Variants in HYDIN observed in about 807,000 individuals in gnomAD.
The protein encoded by HYDIN is axonemal central pair apparatus protein HYDIN.
Under a neutral mutation model 403.9 loss-of-function variants are expected in HYDIN, and 132 were observed. The observed-to-expected ratio is 0.33, with a 90% CI of 0.28 to 0.38. HYDIN has a LOEUF of 0.38. Ranked by LOEUF, HYDIN falls within the 10% of genes least tolerant of loss-of-function variation. The pLI is 1.00. For missense variants in HYDIN, 2,827 were observed against 5,009.5 expected (o/e 0.56, Z 13.15); for synonymous variants, 1,202 against 1,891.7 (o/e 0.64, Z 9.46).
intron 45 of HYDIN, among the ~76,000 whole-genome samples, chr16:70,931,223 T>TTG (rs2077319355): frequency 7.7e-6 from 1 of 130,488 alleles, no homozygotes; most frequent in South Asian, 2.5e-4. Flanking sequence ...TTTTTTTTTT[T>TTG]TTTTTTTTTT....
intron 41 of HYDIN, among the ~76,000 whole-genome samples, chr16:70,944,651 C>A (rs139927727): frequency 6.6e-6 from 1 of 152,172 alleles, no homozygotes; most frequent in Admixed American, 6.5e-5. Context: ...GACCAGAATA[C>A]GCAGGGCCTT....
At chr16:71,224,520 A>G (rs1411476971) in intron 1 of HYDIN, among the ~76,000 whole-genome samples, 1 of 151,922 alleles carries the variant, frequency 6.6e-6, no homozygotes, top group Non-Finnish European at 1.5e-5. Flanking sequence ...TTCTTTAATT[A>G]AATTAAACTC....
intron 5 of HYDIN, among the ~76,000 whole-genome samples, 192 bp downstream of exon 5, chr16:71,175,415 C>T (rs1255764215): frequency 1.3e-5 from 2 of 151,994 alleles, no homozygotes; most frequent in East Asian, 1.9e-4. Context: ...ACACTACCAC[C>T]ACTACCCACC....
At chr16:70,955,768 T>C (rs2078215457) in intron 39 of HYDIN, among the ~76,000 whole-genome samples, 1 of 152,186 alleles carries the variant, frequency 6.6e-6, no homozygotes, top group Admixed American at 6.5e-5. Flanking sequence ...GCGTGCATGC[T>C]GTGGCAATCT....
At chr16:71,126,680 G>A (rs988586246) in intron 9 of HYDIN, among the ~76,000 whole-genome samples, 2 of 152,112 alleles carry the variant, frequency 1.3e-5, no homozygotes, top group African/African-American at 4.8e-5. Context: ...AGTGAGTCCT[G>A]CCCATTTCTA....
At chr16:70,883,172 A>G (rs1203508301) in intron 59 of HYDIN, among the ~76,000 whole-genome samples, 2 of 152,160 alleles carry the variant, frequency 1.3e-5, no homozygotes, top group Admixed American at 6.5e-5. Context: ...CTGGCCCACT[A>G]TGCTTCAAGG....
At chr16:70,921,883 C>T (rs2077004715) in intron 45 of HYDIN, among the ~76,000 whole-genome samples, 2 of 152,206 alleles carry the variant, frequency 1.3e-5, no homozygotes, top group South Asian at 4.1e-4. Flanking sequence ...CATAGAGAAA[C>T]CAACTTTATT....
rs1180386698 is a variant in HYDIN, at chr16:70,807,637, A to AC, written c.15308dup (p.Glu5104Ter). On this transcript the variant is annotated frameshift_variant, in exon 86 of 86. Transcript: ENST00000393567. LOFTEE classifies it high-confidence loss of function. ...ATTTAACTCCAGTCTCACTCCCTTC[A>AC]CCAGGAGGGCAGCTCACAGTCAGCT... The AC allele has an allele frequency of 1.2e-6, 2 of 1,614,076 alleles. No individual in the cohort carries two copies. Among genetic ancestry groups the AC allele is most frequent in the Non-Finnish European group, 1.7e-6 (2 of 1,179,984 alleles).
intron 13 of HYDIN, 50 bp downstream of exon 13, chr16:71,079,835 G>C: frequency 1.2e-6 from 1 of 843,950 alleles, no homozygotes; most frequent in Non-Finnish European, 2.0e-6. Flanking sequence ...CTTCCACGTA[G>C]AGAAAAGGAA....
In HYDIN at chr16:70,921,205, T is replaced by G. The variant is rs561194675; in HGVS notation, c.7171A>C (p.Thr2391Pro). The G allele has an allele frequency of 1.4e-6, 2 of 1,449,048 alleles. No individual in the cohort carries two copies. The highest frequency in any genetic ancestry group is 4.4e-5 in the Admixed American group (2 of 45,672). 89.8% of individuals were successfully genotyped at this position (1,449,048 alleles called of 1,614,324 possible). Reference protein sequence around the residue: ...QAANKQVPPLTKVDVKMETIE... With the variant: ...QAANKQVPPLPKVDVKMETIE... The stretch of plus-strand genomic sequence containing the variant: ...GTCTCCATCTTGACATCCACTTTGG[T>G]GAGCGGAGGAACCTAGAAGGCATGA... The change falls in exon 46 of 86, where the codon ACC (threonine) becomes CCC (proline). Residue 2391 changes from threonine (T) to proline (P), a missense_variant. Transcript: ENST00000393567.
chr16:71,221,956 A>G (rs2040826363), intron 1 of HYDIN, among the ~76,000 whole-genome samples: 1 of 152,212 alleles, frequency 6.6e-6, no homozygotes, highest in South Asian at 2.1e-4. Flanking sequence ...AACCGTGTTC[A>G]AATAAGGCAA....
intron 7 of HYDIN, among the ~76,000 whole-genome samples, chr16:71,145,690 G>A (rs1045465752): frequency 3.3e-5 from 5 of 152,124 alleles, no homozygotes; most frequent in East Asian, 1.9e-4. Flanking sequence ...AAATGCAGCC[G>A]CATTTCAAAG....
At chr16:70,916,518 C>CT (rs2076844595) in intron 47 of HYDIN, among the ~76,000 whole-genome samples, 1 of 152,186 alleles carries the variant, frequency 6.6e-6, no homozygotes, top group Admixed American at 6.5e-5. Context: ...CCTGCAGGAG[C>CT]AGTCTGCTGC....
intron 12 of HYDIN, among the ~76,000 whole-genome samples, chr16:71,087,339 C>T (rs1198727259): frequency 1.3e-5 from 2 of 151,546 alleles, no homozygotes; most frequent in African/African-American, 4.9e-5. Flanking sequence ...GAGGGTCTCT[C>T]GCTTCAGCTT....
chr16:71,182,684 C>A (rs1262206837), intron 3 of HYDIN, among the ~76,000 whole-genome samples: 1 of 152,046 alleles, frequency 6.6e-6, no homozygotes, highest in African/African-American at 2.4e-5. Context: ...ATTAAGCTGA[C>A]TATATGATCC....
chr16:71,021,457 C>T (rs535490169), intron 21 of HYDIN, among the ~76,000 whole-genome samples: 33 of 152,164 alleles, frequency 2.2e-4, no homozygotes, highest in African/African-American at 8.0e-4. Flanking sequence ...CCTCATGATC[C>T]ACCCGCCTCA....
chr16:70,997,568 G>C (rs2079570861), intron 23 of HYDIN, among the ~76,000 whole-genome samples: 1 of 152,044 alleles, frequency 6.6e-6, no homozygotes, highest in South Asian at 2.1e-4. Context: ...CCTCCTGGCA[G>C]TGAGCCGTTA....
At chr16:70,993,894 T>C (rs1236578765) in intron 23 of HYDIN, among the ~76,000 whole-genome samples, 2 of 152,286 alleles carry the variant, frequency 1.3e-5, no homozygotes, top group East Asian at 3.9e-4. Flanking sequence ...TATCACATTG[T>C]GGTATTCATT....
intron 45 of HYDIN, among the ~76,000 whole-genome samples, chr16:70,923,816 G>C (rs1359633170): frequency 2.2e-5 from 3 of 135,412 alleles, no homozygotes; most frequent in Non-Finnish European, 3.1e-5. Flanking sequence ...GCAAGACTCT[G>C]TCTCAAAAAA....
Sources: gnomAD v4.1 joint callset for allele counts (sites outside exome capture counted in the v4.1 genomes callset) on GRCh38, gnomAD v4.1.1 for gene constraint, MANE v1.5 for transcripts, NCBI Gene and HGNC (gene_info 2026-07-23, HGNC 2026-07-21) for gene names.